Variants in HCK observed in about 807,000 individuals in gnomAD.
The protein encoded by HCK is tyrosine-protein kinase HCK.
A neutral mutation model predicts 70.4 loss-of-function variants in HCK; 40 were observed. The ratio of observed to expected loss-of-function variants is 0.57; its 90% CI spans 0.44 to 0.74. The LOEUF (loss-of-function observed/expected upper bound fraction) is 0.74, where lower values mean the gene tolerates loss of function less well. HCK is among the 30% of genes least tolerant of loss of function. The pLI is 0.00. For synonymous variants in HCK, 245 were observed against 263.2 expected, an observed-to-expected ratio of 0.93 and a Z score of 0.67; for missense variants, 568 against 697.2, an observed-to-expected ratio of 0.81 and a Z score of 2.09.
rs1160277995 is a variant in HCK at position 32,073,798 on chromosome 20, C to T, written c.309C>T (p.Asp103=). ...AAGACCTCAGCTTCCAGAAGGGGGACCAGATGGTGGTCCTAGAGGAGTGAG... is the reference window on the plus strand; with the variant it reads ...AAGACCTCAGCTTCCAGAAGGGGGATCAGATGGTGGTCCTAGAGGAGTGAG... The change falls in exon 4 of 13, where the codon GAC becomes GAT. Residue 103 remains aspartate (D), a synonymous_variant. Coordinates refer to ENST00000375852, the MANE Select transcript of HCK (RefSeq NM_002110.5). 2 of 1,552,718 alleles carry T rather than the reference C, an allele frequency of 1.3e-6. No homozygotes were observed. Among genetic ancestry groups the T allele is most frequent in the Non-Finnish European group, 1.7e-6 (2 of 1,146,978 alleles).
At chr20:32,063,676 A>G (rs1283577614) in intron 1 of HCK, among the ~76,000 whole-genome samples, 1 of 152,134 alleles carries the variant, frequency 6.6e-6, no homozygotes, top group African/African-American at 2.4e-5. Context: ...AAAACCTGGT[A>G]TCAGGGAGGT....
At chr20:32,054,059 T>C (rs948630352) in intron 1 of HCK, among the ~76,000 whole-genome samples, 1 of 151,912 alleles carries the variant, frequency 6.6e-6, no homozygotes. Context: ...AATAATATAT[T>C]AGATGTCCCG....
chr20:32,060,507 T>C (rs1026142625), intron 1 of HCK, among the ~76,000 whole-genome samples: 3 of 152,160 alleles, frequency 2.0e-5, no homozygotes, highest in African/African-American at 4.8e-5. Context: ...CTTCCCAAAG[T>C]GCTGGGATTG....
At chr20:32,087,646 T>A (rs242612) in intron 9 of HCK, among the ~76,000 whole-genome samples, 68,916 of 147,562 alleles carry the variant, frequency 0.47, 18,521 homozygotes, top group African/African-American at 0.77. Context: ...TCTAAAAAAA[T>A]TTTTTTTTTT....
intron 10 of HCK, among the ~76,000 whole-genome samples, chr20:32,093,229 G>A (rs1024330263): frequency 6.6e-6 from 1 of 152,196 alleles, no homozygotes; most frequent in Non-Finnish European, 1.5e-5. Context: ...ACAAGTGTAA[G>A]CCACCATGCC....
chr20:32,074,844 T>C, intron 5 of HCK, 123 bp downstream of exon 5: 1 of 673,906 alleles, frequency 1.5e-6, no homozygotes, highest in South Asian at 1.8e-5. Context: ...GGCTCTGGGC[T>C]TGGCTGGCTC....
chr20:32,055,467 T>C (rs2122446170), intron 1 of HCK, among the ~76,000 whole-genome samples: 1 of 152,348 alleles, frequency 6.6e-6, no homozygotes, highest in South Asian at 2.1e-4. Flanking sequence ...ATAATTAGTA[T>C]AATGCTACAC....
chr20:32,061,694 A>G (rs925409292), intron 1 of HCK, among the ~76,000 whole-genome samples: 14 of 152,198 alleles, frequency 9.2e-5, no homozygotes, highest in Admixed American at 3.3e-4. Flanking sequence ...GGTGAAGAAT[A>G]TTCCAGAAAC....
chr20:32,060,608 G>A (rs2045355542), intron 1 of HCK, among the ~76,000 whole-genome samples: 1 of 152,180 alleles, frequency 6.6e-6, no homozygotes, highest in East Asian at 1.9e-4. Context: ...GGACCTTACT[G>A]TCATATCTCA....
Position 32,073,265 on chromosome 20 carries a change from C to T in HCK, c.184-54C>T, listed in dbSNP as rs189455902. On this transcript the variant is annotated intron_variant, in intron 2 of 12. Coordinates refer to ENST00000375852, the MANE Select transcript of HCK (RefSeq NM_002110.5). ...TGTCCTTCTCAACACAGACCTTCCA[C>T]GGGTCCCCACACATTGGTCAGATTC... is the stretch of plus-strand genomic sequence containing the variant. 2,986 of 1,491,054 alleles carry T rather than the reference C, an allele frequency of 2.0e-3. 13 individuals are homozygous for T. The highest frequency in any genetic ancestry group is 1.6e-3 in the Non-Finnish European group (1,750 of 1,070,768). The allele number at this position is 1,491,054 out of a possible 1,614,324, so 92.4% of individuals were successfully genotyped here. A position where few individuals can be genotyped will look rare whatever the true frequency, so the allele number is the denominator to read the frequency against.
chr20:32,064,664 C>T (rs2045430491), intron 1 of HCK, among the ~76,000 whole-genome samples: 1 of 152,210 alleles, frequency 6.6e-6, no homozygotes, highest in Non-Finnish European at 1.5e-5. Context: ...AGCATAGAAG[C>T]TCCCAGAAAA....
At chr20:32,076,906 T>A (rs1271731531) in intron 5 of HCK, among the ~76,000 whole-genome samples, 1 of 151,948 alleles carries the variant, frequency 6.6e-6, no homozygotes, top group Non-Finnish European at 1.5e-5. Flanking sequence ...GCCTACATGG[T>A]GATACCCTGC....
At chr20:32,077,292 T>C (rs1166307853) in intron 5 of HCK, among the ~76,000 whole-genome samples, 3 of 152,112 alleles carry the variant, frequency 2.0e-5, no homozygotes, top group Non-Finnish European at 2.9e-5. Context: ...AAAATGCAAA[T>C]GTGGGGAAGC....
chr20:32,055,779 C>T (rs2045261300), intron 1 of HCK, among the ~76,000 whole-genome samples: 1 of 152,176 alleles, frequency 6.6e-6, no homozygotes, highest in Non-Finnish European at 1.5e-5. Context: ...AGCTCCTAAA[C>T]ATTTCCATCA....
chr20:32,101,011 A>G (rs997378785), intron 12 of HCK, among the ~76,000 whole-genome samples: 1 of 152,138 alleles, frequency 6.6e-6, no homozygotes, highest in African/African-American at 2.4e-5. Flanking sequence ...TAAGTATCTC[A>G]CAGTGTTCAA....
At chr20:32,074,822 T>C in intron 5 of HCK, 101 bp downstream of exon 5, 3 of 783,928 alleles carry the variant, frequency 3.8e-6, no homozygotes, top group South Asian at 1.5e-5. Context: ...GCCTGGCACA[T>C]ACTCTTCCCA....
chr20:32,098,419 T>A (rs1244298005), intron 11 of HCK, among the ~76,000 whole-genome samples: 1 of 151,858 alleles, frequency 6.6e-6, no homozygotes, highest in Non-Finnish European at 1.5e-5. Flanking sequence ...TAGCTTGAGG[T>A]CAGGAGTTCG....
chr20:32,080,174 T>G (rs73248931), intron 6 of HCK, among the ~76,000 whole-genome samples: 6,266 of 152,244 alleles, frequency 0.041, 417 homozygotes, highest in African/African-American at 0.14. Context: ...ACTGACTTGT[T>G]TTTTCATTTG....
Position 32,089,826 on chromosome 20 carries a change from C to T in HCK, c.1092+1182C>T, listed in dbSNP as rs376155882. Among the ~76,000 whole-genome samples, 9 of 152,090 alleles carry T rather than the reference C, an allele frequency of 5.9e-5. No individual in the cohort carries two copies. The East Asian group carries it at 9.6e-4, about 16-fold the overall frequency. On this transcript the variant is annotated intron_variant, in intron 10 of 12. Transcript: ENST00000375852. The stretch of plus-strand genomic sequence containing the variant: ...TTCCTGGAGGAAGTGGCCTCTAGGC[C>T]GAGCCTGAAGGATGAATAGAAGTTC...
Sources: allele counts gnomAD v4.1 joint callset (sites outside exome capture counted in the v4.1 genomes callset), GRCh38; gene constraint gnomAD v4.1.1; transcripts MANE v1.5; gene names NCBI Gene and HGNC (gene_info 2026-07-23, HGNC 2026-07-21).